The following SDK2 variants were observed in gnomAD, a reference collection of about 807,000 sequenced individuals.
SDK2 encodes protein sidekick-2.
SDK2 carries 105 observed loss-of-function variants against 253.9 expected under a neutral mutation model. The ratio of observed to expected loss-of-function variants is 0.41; its 90% CI spans 0.35 to 0.49. The LOEUF (loss-of-function observed/expected upper bound fraction) is 0.49. SDK2 is among the 20% of genes least tolerant of loss of function. The probability of loss-of-function intolerance (pLI) is 0.06; values close to 1 mark genes in which losing one functional copy is unlikely to be tolerated. For missense variants in SDK2, 2,608 were observed against 3,003.0 expected (o/e 0.87, Z 3.07); for synonymous variants, 1,249 against 1,234.9 (o/e 1.01, Z -0.24).
chr17:73,644,274 G>C lies in SDK2; in HGVS notation c.-186C>G, dbSNP rs2046436082. Among the ~76,000 whole-genome samples the C allele has an allele frequency of 6.6e-6, 1 of 152,190 alleles. No individual in the cohort carries two copies. The highest frequency in any genetic ancestry group is 2.4e-5 in the African/African-American group (1 of 41,452). ...CTACCCCAACCCTTCCTCCTCTTCT[G>C]TACTAGTCCGAGCCCGGCAGCGCGC... On this transcript the variant is annotated 5_prime_UTR_variant, in exon 1 of 45. Transcript: ENST00000392650. The surrounding 1 kb of genome is among the most constrained non-coding windows in gnomAD (Gnocchi z 6.3).
chr17:73,345,084 C>T (rs959777594), intron 44 of SDK2, among the ~76,000 whole-genome samples: 9 of 152,118 alleles, frequency 5.9e-5, no homozygotes, highest in African/African-American at 1.7e-4. Flanking sequence ...TTTGGGAGGC[C>T]GAGGTGGGCG....
At chr17:73,354,337 G>A (rs572795779) in intron 40 of SDK2, among the ~76,000 whole-genome samples, 1 of 152,136 alleles carries the variant, frequency 6.6e-6, no homozygotes, top group Non-Finnish European at 1.5e-5. Context: ...CCTTGCCCTC[G>A]TGGGACATAA....
chr17:73,594,474 G>A (rs987482304), intron 1 of SDK2, among the ~76,000 whole-genome samples: 4 of 152,070 alleles, frequency 2.6e-5, no homozygotes, highest in South Asian at 2.1e-4. Context: ...ATGAGGAGAT[G>A]GGAAGAGAGG....
At chr17:73,423,867 T>A in intron 13 of SDK2, 49 bp downstream of exon 13, 2 of 1,449,468 alleles carry the variant, frequency 1.4e-6, no homozygotes, top group African/African-American at 1.4e-5. Context: ...GCATGCCAGT[T>A]GCTATTGCCT....
Position 73,380,935 on chromosome 17 carries a change from C to G in SDK2, c.4721G>C (p.Arg1574Pro). The change falls in exon 34 of 45, where the codon CGG becomes CCG. Residue 1574 changes from arginine (R) to proline (P), a missense_variant. Arg to Pro is a moderately radical substitution (Grantham distance 103). Transcript: ENST00000392650. Reference protein sequence around the residue: ...WAELTSMYSMRNLSRPSLTQY... With the variant: ...WAELTSMYSMPNLSRPSLTQY... Reference sequence around the variant, plus strand: ...CGTGAGGCTGGGCCGGCTCAGGTTCCGCATGGAGTACATGGCTATGGGGTG... The same window carrying G: ...CGTGAGGCTGGGCCGGCTCAGGTTCGGCATGGAGTACATGGCTATGGGGTG... 6.7e-7 allele frequency: 1 copy of G among 1,496,720 alleles called. No homozygotes were observed. Among genetic ancestry groups the G allele is most frequent in the Non-Finnish European group, 9.0e-7 (1 of 1,110,464 alleles). 92.7% of individuals were successfully genotyped at this position (1,496,720 alleles called of 1,614,324 possible). A position where few individuals can be genotyped will look rare whatever the true frequency, so the allele number is the denominator to read the frequency against.
chr17:73,544,577 T>C (rs976145718), intron 1 of SDK2, among the ~76,000 whole-genome samples: 1 of 151,940 alleles, frequency 6.6e-6, no homozygotes, highest in Non-Finnish European at 1.5e-5. Context: ...TGTATGCATG[T>C]GTGTATGGAT....
At chr17:73,401,824 G>A (rs1357541089) in intron 19 of SDK2, 72 bp from the exon 20 acceptor site, 1 of 1,444,968 alleles carries the variant, frequency 6.9e-7, no homozygotes, top group Non-Finnish European at 9.5e-7. Context: ...CTGTGAGATA[G>A]CCTGTGGTAA....
chr17:73,491,636 C>T (rs2063807125), intron 2 of SDK2, among the ~76,000 whole-genome samples: 1 of 152,224 alleles, frequency 6.6e-6, no homozygotes, highest in African/African-American at 2.4e-5. Flanking sequence ...TCTCTACCTT[C>T]CTCAACGTCT....
chr17:73,531,031 C>T (rs556585369), intron 1 of SDK2, among the ~76,000 whole-genome samples: 134 of 152,248 alleles, frequency 8.8e-4, no homozygotes, highest in African/African-American at 3.2e-3. Context: ...CTCCTTTTCC[C>T]GCCTTTCCTT....
At chr17:73,625,208 G>A (rs990226740) in intron 1 of SDK2, among the ~76,000 whole-genome samples, 4 of 152,196 alleles carry the variant, frequency 2.6e-5, no homozygotes, top group Non-Finnish European at 4.4e-5. Context: ...GACCAGACAA[G>A]CAGGCACCAG....
chr17:73,349,950 T>C (rs9747185), intron 43 of SDK2, among the ~76,000 whole-genome samples: 115,619 of 152,090 alleles, frequency 0.76, 44,757 homozygotes, highest in East Asian at 0.84. Flanking sequence ...ATTTGCATTC[T>C]ACTGTCACTG....
In SDK2 at chr17:73,469,992, G is replaced by GCGCGCGCACACA. The variant is rs1328450219; in HGVS notation, c.331+2119_331+2120insTGTGTGCGCGCG. ...ATGGCATTTGCGACTGCGCGCGCGC[G>GCGCGCGCACACA]CACACACACACACACACACACACAC... On this transcript the variant is annotated intron_variant, in intron 3 of 44. Coordinates refer to ENST00000392650, the MANE Select transcript of SDK2 (RefSeq NM_001144952.2). Among the ~76,000 whole-genome samples the GCGCGCGCACACA allele has an allele frequency of 5.3e-4, 67 of 126,260 alleles. 1 individual carries two copies. The highest frequency in any genetic ancestry group is 1.9e-3 in the African/African-American group (60 of 32,316). 82.8% of individuals were successfully genotyped at this position (126,260 alleles called of 152,430 possible).
chr17:73,471,458 G>A (rs1490224918), intron 3 of SDK2, among the ~76,000 whole-genome samples: 2 of 152,302 alleles, frequency 1.3e-5, no homozygotes, highest in East Asian at 3.9e-4. Flanking sequence ...AATTAGCTGG[G>A]TGTGGTGGCA....
At position 73,481,773 on chromosome 17, in the gene SDK2, C is replaced by T. The variant is rs749364545; in HGVS notation, c.225-9555G>A. On this transcript the variant is annotated intron_variant, in intron 2 of 44. Coordinates refer to ENST00000392650, the MANE Select transcript of SDK2 (RefSeq NM_001144952.2). The surrounding 1 kb of genome is among the most constrained non-coding windows in gnomAD (Gnocchi z 4.5). ...CGGCCTGCAGACTCTAGGACTTACA[C>T]CCATGGGCTCTCGGTTTCCAGGCCT... Among the ~76,000 whole-genome samples the T allele has an allele frequency of 2.0e-5, 3 of 152,194 alleles. No homozygotes were observed. The highest frequency in any genetic ancestry group is 4.4e-5 in the Non-Finnish European group (3 of 68,032).
chr17:73,388,200 G>C (rs1246335219), intron 29 of SDK2, among the ~76,000 whole-genome samples, 163 bp from the exon 30 acceptor site: 1 of 152,124 alleles, frequency 6.6e-6, no homozygotes, highest in Non-Finnish European at 1.5e-5. Flanking sequence ...CTCACACCTG[G>C]GTACAGCCAG....
At chr17:73,544,004 G>C (rs142832542) in intron 1 of SDK2, among the ~76,000 whole-genome samples, 18 of 152,344 alleles carry the variant, frequency 1.2e-4, no homozygotes, top group Middle Eastern at 3.4e-3. Flanking sequence ...CTTCAGCATG[G>C]TCTTGAAGAT....
At chr17:73,463,762 C>G (rs1407885340) in intron 3 of SDK2, among the ~76,000 whole-genome samples, 2 of 152,156 alleles carry the variant, frequency 1.3e-5, no homozygotes, top group Admixed American at 1.3e-4. Flanking sequence ...TTCATTGAGT[C>G]ATTTTCACGG....
In SDK2 at chr17:73,361,941, G is replaced by A; in HGVS notation, c.5306-96C>T. On this transcript the variant is annotated intron_variant, in intron 38 of 44. Coordinates refer to ENST00000392650, the MANE Select transcript of SDK2 (RefSeq NM_001144952.2). The surrounding 1 kb of genome is among the most constrained non-coding windows in gnomAD (Gnocchi z 4.1). Reference sequence around the variant, plus strand: ...GAAGCGGCCGTGGCCTGGGCCCCGGGACCCTGGGTAGGGGCCTCACTCCTT... The same window carrying A: ...GAAGCGGCCGTGGCCTGGGCCCCGGAACCCTGGGTAGGGGCCTCACTCCTT... 3.1e-6 allele frequency: 4 copies of A among 1,271,700 alleles called. No individual in the cohort carries two copies. The highest frequency in any genetic ancestry group is 4.3e-6 in the Non-Finnish European group (4 of 935,812). The allele number at this position is 1,271,700 out of a possible 1,614,324, so 78.8% of individuals were successfully genotyped here.
At position 73,361,577 on chromosome 17, in the gene SDK2, C is replaced by T; in HGVS notation, c.5467+107G>A. 3 of 1,137,556 alleles carry T rather than the reference C, an allele frequency of 2.6e-6. No individual in the cohort carries two copies. The highest frequency in any genetic ancestry group is 3.8e-6 in the Non-Finnish European group (3 of 794,394). The allele number at this position is 1,137,556 out of a possible 1,614,324, so 70.5% of individuals were successfully genotyped here. On this transcript the variant is annotated intron_variant, in intron 39 of 44. Coordinates refer to ENST00000392650, the MANE Select transcript of SDK2 (RefSeq NM_001144952.2). This position sits in a 1 kb window ranked among gnomAD's most constrained non-coding sequence, Gnocchi z 4.1. ...CAGGGGAAAGAGTGAGCTCTGTCCT[C>T]CACTCTGTTTCCAGGGTCCAGCACA...
Sources: allele counts gnomAD v4.1 joint callset (sites outside exome capture counted in the v4.1 genomes callset), GRCh38; gene constraint gnomAD v4.1.1; non-coding constraint Gnocchi (gnomAD v3.1); transcripts MANE v1.5; gene names NCBI Gene and HGNC (gene_info 2026-07-23, HGNC 2026-07-21).